Variants in CYYR1 observed in about 807,000 individuals in gnomAD.
CYYR1 encodes cysteine and tyrosine rich 1.
Under a neutral mutation model 15.2 loss-of-function variants are expected in CYYR1, and 14 were observed. That is an observed-to-expected ratio of 0.92 (90% CI 0.61 to 1.44). CYYR1 has a LOEUF of 1.44. CYYR1 is among the 40% of genes most tolerant of loss of function. CYYR1 has a pLI of 0.00. For synonymous variants in CYYR1, 80 were observed against 77.4 expected, an observed-to-expected ratio of 1.03 and a Z score of -0.18; for missense variants, 228 against 209.5, an observed-to-expected ratio of 1.09 and a Z score of -0.54.
chr21:26,539,737 T>C (rs1405764953), intron 2 of CYYR1, among the ~76,000 whole-genome samples: 2 of 152,216 alleles, frequency 1.3e-5, no homozygotes, highest in Non-Finnish European at 2.9e-5. Flanking sequence ...AAAATGTTGC[T>C]TCTTTTGTCT....
At chr21:26,545,567 CTTTT>C (rs770885517) in intron 2 of CYYR1, among the ~76,000 whole-genome samples, 10 of 73,748 alleles carry the variant, frequency 1.4e-4, no homozygotes, top group Admixed American at 7.8e-4. Context: ...GATGCTTATT[CTTTT>C]TTTTTTTTTT....
At chr21:26,510,513 A>C (rs1028784999) in intron 2 of CYYR1, among the ~76,000 whole-genome samples, 8 of 152,230 alleles carry the variant, frequency 5.3e-5, no homozygotes, top group African/African-American at 1.7e-4. Flanking sequence ...GAATGAATCC[A>C]ATACTGGCAG....
chr21:26,537,270 A>G (rs1978312414), intron 2 of CYYR1, among the ~76,000 whole-genome samples: 1 of 152,132 alleles, frequency 6.6e-6, no homozygotes. Flanking sequence ...CATAAGGTAA[A>G]AGCTCAGACC....
At chr21:26,482,319 T>G in intron 2 of CYYR1, 2 of 984,576 alleles carry the variant, frequency 2.0e-6, no homozygotes, top group Non-Finnish European at 2.4e-6. Context: ...TACATATTGA[T>G]ATCTGCTCCT....
intron 2 of CYYR1, among the ~76,000 whole-genome samples, chr21:26,492,929 T>G (rs1485825743): frequency 6.6e-6 from 1 of 151,930 alleles, no homozygotes; most frequent in Non-Finnish European, 1.5e-5. Context: ...TGTTAGCATG[T>G]GTGAGAGTGT....
chr21:26,572,850 C>G lies in CYYR1; in HGVS notation c.73+18G>C. On this transcript the variant is annotated intron_variant, in intron 1 of 3. Transcript: ENST00000652641. ...AGCCCCGAGCCTCTGACCCTCTCCGCCGCCCTCCGTCACTGACCTGCGTAG... is the reference window on the plus strand; with the variant it reads ...AGCCCCGAGCCTCTGACCCTCTCCGGCGCCCTCCGTCACTGACCTGCGTAG... 1 of 1,613,018 alleles carries G rather than the reference C, an allele frequency of 6.2e-7. No homozygotes were observed. The highest frequency in any genetic ancestry group is 8.5e-7 in the Non-Finnish European group (1 of 1,179,568).
rs772287533 is a variant in CYYR1 at position 26,480,300 on chromosome 21, AGTCGTCCTGAGGATGCCCACGCGG to A, written c.282_305del (p.Arg95_Thr102del). ...GATAGGAGGAGACGGTGTTGATGTG[AGTCGTCCTGAGGATGCCCACGCGG>A]GTCGCCCTGTGGTTCTTCATGCACA... On this transcript the variant is annotated inframe_deletion, in exon 3 of 4. Transcript: ENST00000652641. The A allele has an allele frequency of 6.2e-7, 1 of 1,612,992 alleles. No homozygotes were observed. The highest frequency in any genetic ancestry group is 1.7e-5 in the Admixed American group (1 of 59,830).
intron 2 of CYYR1, among the ~76,000 whole-genome samples, chr21:26,520,658 A>G (rs1476568082): frequency 1.3e-5 from 2 of 152,206 alleles, no homozygotes; most frequent in Non-Finnish European, 1.5e-5. Flanking sequence ...TCACCATACT[A>G]TCTTCCACAA....
intron 2 of CYYR1, among the ~76,000 whole-genome samples, chr21:26,508,288 T>G (rs2065596707): frequency 6.6e-6 from 1 of 152,092 alleles, no homozygotes; most frequent in South Asian, 2.1e-4. Context: ...GAGGGGTCTT[T>G]AGGCCCAAAG....
rs2064984446 is a variant in CYYR1, at chr21:26,467,660, G to A, written c.*841C>T. ...CCACAGTTAGAATAACCTTTATTCT[G>A]ATCCACTATAAAGCCAGATGATTTT... On this transcript the variant is annotated 3_prime_UTR_variant, in exon 4 of 4. Coordinates refer to ENST00000652641, the MANE Select transcript of CYYR1 (RefSeq NM_001320768.2). The A allele has an allele frequency of 6.6e-6, 1 of 151,852 alleles. No individual in the cohort carries two copies. Among genetic ancestry groups the A allele is most frequent in the African/African-American group, 2.4e-5 (1 of 41,320 alleles). The allele number at this position is 151,852 out of a possible 1,614,324, so 9.4% of individuals were successfully genotyped here.
chr21:26,524,356 A>C (rs2065837840), intron 2 of CYYR1, among the ~76,000 whole-genome samples: 1 of 152,210 alleles, frequency 6.6e-6, no homozygotes, highest in Non-Finnish European at 1.5e-5. Context: ...AATTTAATCC[A>C]ACAATTTCAA....
chr21:26,556,716 G>A (rs1979813787), intron 2 of CYYR1, among the ~76,000 whole-genome samples: 1 of 152,018 alleles, frequency 6.6e-6, no homozygotes, highest in Non-Finnish European at 1.5e-5. Flanking sequence ...ACTATCACAA[G>A]AACAGCAAGG....
At chr21:26,514,709 T>G (rs542728415) in intron 2 of CYYR1, among the ~76,000 whole-genome samples, 1 of 152,292 alleles carries the variant, frequency 6.6e-6, no homozygotes, top group East Asian at 1.9e-4. Flanking sequence ...TAACTTATTT[T>G]GAGCACTAAC....
At chr21:26,540,129 T>C (rs1443935628) in intron 2 of CYYR1, among the ~76,000 whole-genome samples, 1 of 152,184 alleles carries the variant, frequency 6.6e-6, no homozygotes, top group East Asian at 1.9e-4. Context: ...CAAAAGGATG[T>C]ATGTAGTTTC....
intron 2 of CYYR1, among the ~76,000 whole-genome samples, chr21:26,490,133 C>T (rs954398985): frequency 8.6e-5 from 13 of 151,932 alleles, no homozygotes; most frequent in African/African-American, 3.1e-4. Context: ...GAAACCCTGC[C>T]TGTACGAAAA....
At position 26,468,493 on chromosome 21, in the gene CYYR1, G is replaced by T. The variant is rs752414582; in HGVS notation, c.*8C>A. ...CCCATTGGCACATGTTCTGTTCTGG[G>T]AGATAGATTATTTCCTTGCGTTTCC... On this transcript the variant is annotated 3_prime_UTR_variant, in exon 4 of 4. Transcript: ENST00000652641. The T allele has an allele frequency of 6.6e-7, 1 of 1,508,788 alleles. No homozygotes were observed. The highest frequency in any genetic ancestry group is 9.2e-7 in the Non-Finnish European group (1 of 1,083,860). The allele number at this position is 1,508,788 out of a possible 1,614,324, so 93.5% of individuals were successfully genotyped here.
At chr21:26,549,086 A>AT (rs1979188666) in intron 2 of CYYR1, among the ~76,000 whole-genome samples, 1 of 152,202 alleles carries the variant, frequency 6.6e-6, no homozygotes, top group South Asian at 2.1e-4. Context: ...AGACCTTTAA[A>AT]TCAGACCGTT....
chr21:26,549,390 G>A (rs767057170), intron 2 of CYYR1, among the ~76,000 whole-genome samples: 9 of 152,144 alleles, frequency 5.9e-5, no homozygotes, highest in Non-Finnish European at 1.3e-4. Flanking sequence ...ATTAAAGAGT[G>A]TTCATTTTAA....
chr21:26,542,800 C>T (rs1041975644), intron 2 of CYYR1, among the ~76,000 whole-genome samples: 1 of 152,078 alleles, frequency 6.6e-6, no homozygotes, highest in African/African-American at 2.4e-5. Context: ...GATCAATACA[C>T]TAACACCAAT....
Sources: allele counts gnomAD v4.1 joint callset (sites outside exome capture counted in the v4.1 genomes callset), GRCh38; gene constraint gnomAD v4.1.1; transcripts MANE v1.5; gene names NCBI Gene and HGNC (gene_info 2026-07-23, HGNC 2026-07-21).